Variants in RB1 observed in about 807,000 individuals in gnomAD.
RB1 encodes the protein RB transcriptional corepressor 1.
In RB1, 18 loss-of-function variants were observed where a neutral mutation model predicts 135.4. The observed-to-expected ratio is 0.13, with a 90% CI of 0.09 to 0.20. The LOEUF (loss-of-function observed/expected upper bound fraction) is 0.20. RB1 is among the 10% of genes least tolerant of loss of function. RB1 has a pLI of 1.00. For missense variants in RB1, 868 were observed against 1,110.0 expected, an observed-to-expected ratio of 0.78 and a Z score of 3.10; for synonymous variants, 365 against 373.2, an observed-to-expected ratio of 0.98 and a Z score of 0.25.
chr13:48,432,601 G>T (rs1231312142), intron 17 of RB1, among the ~76,000 whole-genome samples: 1 of 151,738 alleles, frequency 6.6e-6, no homozygotes, highest in Non-Finnish European at 1.5e-5. Context: ...TTAATGCTTT[G>T]GTTAGCATCC....
At chr13:48,411,953 G>A in intron 17 of RB1, 1 of 1,612,488 alleles carries the variant, frequency 6.2e-7, no homozygotes, top group African/African-American at 1.3e-5. Context: ...CCTGAGAGTG[G>A]GTAGACTGAA....
In RB1 at chr13:48,319,975, A is replaced by C; in HGVS notation, c.264+12569A>C. ...CACTGCCGTGAGATAGTTCTGGCTT[A>C]CATCTACTGCCACTGCCTGCAGCCC... is the stretch of plus-strand genomic sequence containing the variant. On this transcript the variant is annotated intron_variant, in intron 2 of 26. Transcript: ENST00000267163. The surrounding 1 kb of genome is among the most constrained non-coding windows in gnomAD (Gnocchi z 5.0). 1 of 383,668 alleles carries C rather than the reference A, an allele frequency of 2.6e-6. No individual in the cohort carries two copies. Among genetic ancestry groups the C allele is most frequent in the South Asian group, 3.1e-5 (1 of 32,254 alleles). 23.8% of individuals were successfully genotyped at this position (383,668 alleles called of 1,614,324 possible).
intron 17 of RB1, among the ~76,000 whole-genome samples, chr13:48,398,105 C>T (rs987882955): frequency 1.3e-5 from 2 of 152,146 alleles, no homozygotes; most frequent in African/African-American, 4.8e-5. Flanking sequence ...TATACTTTTA[C>T]ACAACAGCCA....
chr13:48,304,039 C>T lies in RB1; in HGVS notation c.127C>T (p.Pro43Ser). Residue 43 changes from proline (P) to serine (S), a missense_variant, in exon 1 of 27, where the codon CCT becomes TCT. Coordinates refer to ENST00000267163, the MANE Select transcript of RB1 (RefSeq NM_000321.3). ...PEQDSGPEDLPLVRLEFEETE... is the reference protein window; with the variant it reads ...PEQDSGPEDLSLVRLEFEETE... ...GCAGGACAGCGGCCCGGAGGACCTG[C>T]CTCTCGTCAGGTGAGCGAGCAGAGC... is the stretch of plus-strand genomic sequence containing the variant. The T allele has an allele frequency of 6.9e-7, 1 of 1,456,418 alleles. No individual in the cohort carries two copies. Among genetic ancestry groups the T allele is most frequent in the Non-Finnish European group, 9.0e-7 (1 of 1,112,710 alleles). 90.2% of individuals were successfully genotyped at this position (1,456,418 alleles called of 1,614,324 possible).
chr13:48,414,496 TATC>T (rs1243315687), intron 17 of RB1, among the ~76,000 whole-genome samples: 1 of 152,142 alleles, frequency 6.6e-6, no homozygotes, highest in East Asian at 1.9e-4. Context: ...TTGTTTTAAA[TATC>T]ATTTTCTTCA....
chr13:48,412,180 A>G (rs1593483393), intron 17 of RB1: 1 of 1,614,068 alleles, frequency 6.2e-7, no homozygotes. Context: ...CCAAATGGCC[A>G]ATTCCGTGTT....
At chr13:48,326,246 A>G (rs1952286017) in intron 2 of RB1, among the ~76,000 whole-genome samples, 2 of 152,148 alleles carry the variant, frequency 1.3e-5, no homozygotes, top group Non-Finnish European at 2.9e-5. Context: ...ACAGTATCCA[A>G]AATTATCCTC....
In RB1 at chr13:48,433,621, A is replaced by G. The variant is rs8002958; in HGVS notation, c.1696-19372A>G. On this transcript the variant is annotated intron_variant, in intron 17 of 26. Coordinates refer to ENST00000267163, the MANE Select transcript of RB1 (RefSeq NM_000321.3). Reference sequence around the variant, plus strand: ...TTACACCAAATATTATGACAAAAGCATAATTGTTTCTTGATAAAACTGTTC... The same window carrying G: ...TTACACCAAATATTATGACAAAAGCGTAATTGTTTCTTGATAAAACTGTTC... 6.3e-3 allele frequency among the ~76,000 whole-genome samples: 953 copies of G among 152,214 alleles called. 8 individuals are homozygous for G. The highest frequency in any genetic ancestry group is 0.022 in the African/African-American group (907 of 41,548).
At chr13:48,453,375 A>G (rs976162277) in intron 18 of RB1, among the ~76,000 whole-genome samples, 1 of 152,206 alleles carries the variant, frequency 6.6e-6, no homozygotes. Context: ...TAGGATTTCA[A>G]TGTGGAAACT....
intron 2 of RB1, chr13:48,318,509 A>C: frequency 9.5e-7 from 1 of 1,055,516 alleles, no homozygotes; most frequent in Non-Finnish European, 1.4e-6. Context: ...GCGTCATGCG[A>C]GTGTCGCCGG....
rs1161450606 is a variant in RB1 at position 48,476,782 on chromosome 13, C to A, written c.2602C>A (p.Pro868Thr). ...CAAAAGAAGTGCTGAAGGAAGCAAC[C>A]CTCCTAAACCACTGAAAAAACTACG... ...VLKRSAEGSN[P>T]PKPLKKLRFD... is the part of the protein sequence containing the mutation. The change falls in exon 25 of 27, where the codon CCT becomes ACT. Residue 868 changes from proline to threonine, a missense_variant. This residue lies in a region of RB1 where 196 missense variants were observed against 239.8 expected (regional missense o/e 0.82). Coordinates refer to ENST00000267163, the MANE Select transcript of RB1 (RefSeq NM_000321.3). The A allele has an allele frequency of 3.1e-6, 5 of 1,613,518 alleles. No individual in the cohort carries two copies. In the African/African-American group the frequency reaches 5.3e-5, roughly 17 times the overall value.
intron 17 of RB1, among the ~76,000 whole-genome samples, chr13:48,400,010 T>C (rs1034360748): frequency 2.0e-5 from 3 of 152,046 alleles, no homozygotes; most frequent in Admixed American, 2.0e-4. Flanking sequence ...CAAAAGGGAC[T>C]AAGAAATTCA....
chr13:48,411,272 T>C, intron 17 of RB1: 1 of 854,860 alleles, frequency 1.2e-6, no homozygotes, highest in Non-Finnish European at 2.0e-6. Context: ...CTAAAGACTT[T>C]AAAATGTCCA....
chr13:48,422,077 T>C (rs1474519638), intron 17 of RB1, among the ~76,000 whole-genome samples: 5 of 152,218 alleles, frequency 3.3e-5, no homozygotes, highest in African/African-American at 1.2e-4. Context: ...CATATGCTTA[T>C]TGCAGCAGTA....
chr13:48,458,102 C>T (rs1228119487), intron 19 of RB1, among the ~76,000 whole-genome samples: 3 of 152,208 alleles, frequency 2.0e-5, no homozygotes, highest in African/African-American at 4.8e-5. Flanking sequence ...TCGGAAGGGG[C>T]GGGGTTCCTG....
chr13:48,453,172 C>A, intron 18 of RB1, 61 bp downstream of exon 18: 1 of 1,444,532 alleles, frequency 6.9e-7, no homozygotes, highest in Non-Finnish European at 9.7e-7. Flanking sequence ...AGCATAAGTG[C>A]AATGTAACAT....
intron 2 of RB1, among the ~76,000 whole-genome samples, chr13:48,324,844 T>G (rs1043654957): frequency 4.8e-5 from 6 of 125,174 alleles, no homozygotes; most frequent in Non-Finnish European, 6.5e-5. Context: ...TGTGCTTTTG[T>G]TTTTTTTTTG....
chr13:48,306,232 C>G (rs1952078837), intron 1 of RB1, among the ~76,000 whole-genome samples: 1 of 152,116 alleles, frequency 6.6e-6, no homozygotes, highest in South Asian at 2.1e-4. Context: ...AAACAAGACC[C>G]TGTCTCTAAA....
At chr13:48,393,487 T>C (rs1192280512) in intron 17 of RB1, among the ~76,000 whole-genome samples, 1 of 152,210 alleles carries the variant, frequency 6.6e-6, no homozygotes. Flanking sequence ...CTGTTGTTTA[T>C]TGTGTAAAAA....
Sources: allele counts gnomAD v4.1 joint callset (sites outside exome capture counted in the v4.1 genomes callset), GRCh38; gene constraint gnomAD v4.1.1; regional missense constraint gnomAD v4.1.1; non-coding constraint Gnocchi (gnomAD v3.1); transcripts MANE v1.5; gene names NCBI Gene and HGNC (gene_info 2026-07-23, HGNC 2026-07-21).